ACRBP: variants seen among roughly 807,000 people sequenced by gnomAD.
ACRBP encodes the protein acrosin binding protein.
A neutral mutation model predicts 69.0 loss-of-function variants in ACRBP; 52 were observed. The ratio of observed to expected loss-of-function variants is 0.75; its 90% CI spans 0.60 to 0.95. The LOEUF is 0.95. Among genes scored for constraint, ACRBP ranks in the 40% least tolerant of loss-of-function variants. The pLI, the probability that ACRBP is intolerant of heterozygous loss-of-function variation, is 0.00. For synonymous variants in ACRBP, 267 were observed against 258.9 expected (o/e 1.03, Z -0.30); for missense variants, 604 against 673.0 (o/e 0.90, Z 1.13).
Position 6,646,960 on chromosome 12 carries a change from G to A in ACRBP, c.96C>T (p.Ser32=). Reference sequence around the variant, plus strand: ...TAGGAGAGAGAGGGCTGCCTGGAGTGGAGGCCTGAGTCGAATCCTGGGCTG... The same window carrying A: ...TAGGAGAGAGAGGGCTGCCTGGAGTAGAGGCCTGAGTCGAATCCTGGGCTG... ...PAAAQDSTQA[S]TPGSPLSPTE... is the part of the protein sequence containing the mutation. Residue 32 remains serine (S), a synonymous_variant, in exon 2 of 10, where the codon TCC becomes TCT. Transcript: ENST00000229243. 6.2e-7 allele frequency: 1 copy of A among 1,613,300 alleles called. No individual in the cohort carries two copies. Among genetic ancestry groups the A allele is most frequent in the Non-Finnish European group, 8.5e-7 (1 of 1,180,022 alleles).
rs1008402777 is a variant in ACRBP, at chr12:6,644,158, C to T, written c.923G>A (p.Trp308Ter). 2 of 1,595,712 alleles carry T rather than the reference C, an allele frequency of 1.3e-6. No homozygotes were observed. Among genetic ancestry groups the T allele is most frequent in the African/African-American group, 1.3e-5 (1 of 74,508 alleles). Residue 308 changes from tryptophan to a stop codon, truncating the protein, a stop_gained, in exon 5 of 10, where the codon TGG (tryptophan) becomes TAG (stop). Coordinates refer to ENST00000229243, the MANE Select transcript of ACRBP (RefSeq NM_032489.3). LOFTEE classifies it high-confidence loss of function. Reference sequence around the variant, plus strand: ...ATACCTGCCAGGGTTTTGGTTTCTCCAGTAGGAGTTCTCATCATATATTTC... The same window carrying T: ...ATACCTGCCAGGGTTTTGGTTTCTCTAGTAGGAGTTCTCATCATATATTTC... Reference protein sequence around the residue: ...MNEIYDENSYWRNQNPGSLLQ... With the variant: ...MNEIYDENSY
chr12:6,646,125 A>ATTTTTTTTTTTTTT (rs59626834), intron 3 of ACRBP, among the ~76,000 whole-genome samples: 1 of 121,434 alleles, frequency 8.2e-6, no homozygotes, highest in African/African-American at 3.1e-5. Context: ...AAGCCCGGCT[A>ATTTTTTTTTTTTTT]TTTTTTTTTT....
At chr12:6,639,167 G>GCGGC (rs948265940) in intron 8 of ACRBP, 130 bp from the exon 9 acceptor site, 1 of 777,578 alleles carries the variant, frequency 1.3e-6, no homozygotes, top group African/African-American at 1.7e-5. Context: ...CCACACACAG[G>GCGGC]CGGCCCCTCA....
In ACRBP at chr12:6,644,116, C is replaced by T. The variant is rs753147908; in HGVS notation, c.944+21G>A. The T allele has an allele frequency of 1.0e-5, 16 of 1,547,372 alleles. No homozygotes were observed. The Admixed American group carries it at 3.0e-4, about 29-fold the overall frequency. ...GCAGAAGGGAGGGCAGGGTGGATGA[C>T]AGAGTCAAAACTTCCTATACCTGCC... On this transcript the variant is annotated intron_variant, in intron 5 of 9. Coordinates refer to ENST00000229243, the MANE Select transcript of ACRBP (RefSeq NM_032489.3).
chr12:6,644,596 C>T lies in ACRBP; in HGVS notation c.485G>A (p.Arg162His), dbSNP rs760545577. 9.4e-5 allele frequency: 151 copies of T among 1,611,458 alleles called. No homozygotes were observed. Among genetic ancestry groups the T allele is most frequent in the Admixed American group, 1.5e-4 (9 of 59,576 alleles). The part of the protein sequence containing the change: ...PISPHFTVTE[R>H]QTFQPWPERL... Reference sequence around the variant, plus strand: ...CTCAGGCCAGGGCTGGAAGGTCTGGCGTTCTGTCACTACAGCAGGGTTTAG... The same window carrying T: ...CTCAGGCCAGGGCTGGAAGGTCTGGTGTTCTGTCACTACAGCAGGGTTTAG... The change falls in exon 5 of 10, where the codon CGC (arginine) becomes CAC (histidine). Residue 162 changes from arginine (R) to histidine (H), a missense_variant. By Grantham distance (29) the Arg-to-His change is conservative. This residue lies in a region of ACRBP where 532 missense variants were observed against 562.9 expected (regional missense o/e 0.95). Coordinates refer to ENST00000229243, the MANE Select transcript of ACRBP (RefSeq NM_032489.3).
In ACRBP at chr12:6,640,564, G is replaced by A. The variant is rs528671617; in HGVS notation, c.1078-42C>T. The A allele has an allele frequency of 4.3e-5, 68 of 1,590,558 alleles. No homozygotes were observed. Among genetic ancestry groups the A allele is most frequent in the South Asian group, 2.0e-4 (18 of 89,108 alleles). Reference sequence around the variant, plus strand: ...GGTGAGGCTGAAGCTGAGAGTCAGCGGCCTGCCTTCTCCCATGCCTCAGCC... The same window carrying A: ...GGTGAGGCTGAAGCTGAGAGTCAGCAGCCTGCCTTCTCCCATGCCTCAGCC... On this transcript the variant is annotated intron_variant, in intron 6 of 9. Coordinates refer to ENST00000229243, the MANE Select transcript of ACRBP (RefSeq NM_032489.3). The surrounding 1 kb of genome is among the most constrained non-coding windows in gnomAD (Gnocchi z 5.3).
At chr12:6,646,623 G>C in intron 2 of ACRBP, 46 bp from the exon 3 acceptor site, 1 of 1,584,470 alleles carries the variant, frequency 6.3e-7, no homozygotes, top group Non-Finnish European at 8.7e-7. Context: ...GGGGAGCTTG[G>C]GGTGGGGCTG....
chr12:6,643,925 G>A, intron 5 of ACRBP: 3 of 1,082,746 alleles, frequency 2.8e-6, no homozygotes, highest in Non-Finnish European at 3.8e-6. Flanking sequence ...AAGTCTGGTA[G>A]CTCCAGGTAC....
chr12:6,642,744 G>A (rs1271139569), intron 6 of ACRBP, among the ~76,000 whole-genome samples: 2 of 152,188 alleles, frequency 1.3e-5, no homozygotes, highest in Admixed American at 1.3e-4. Flanking sequence ...TGAATGGATG[G>A]TATCTGAGCT....
At chr12:6,643,490 A>G (rs1949067224) in intron 6 of ACRBP, 49 bp downstream of exon 6, 1 of 1,607,330 alleles carries the variant, frequency 6.2e-7, no homozygotes, top group Non-Finnish European at 8.5e-7. Context: ...GTGCCTGGCC[A>G]AGAGGATGCC....
intron 9 of ACRBP, chr12:6,638,629 A>C (rs2136248134): frequency 1.5e-6 from 2 of 1,292,998 alleles, no homozygotes; most frequent in East Asian, 5.1e-5. Context: ...CAGAGGGGGA[A>C]GTGCCTCATC....
At chr12:6,644,934 T>G (rs899626108) in intron 4 of ACRBP, among the ~76,000 whole-genome samples, 1 of 152,160 alleles carries the variant, frequency 6.6e-6, no homozygotes. Context: ...GTGAAGACAT[T>G]AGCTTATAAA....
At chr12:6,646,756 T>A in intron 2 of ACRBP, 38 bp downstream of exon 2, 1 of 1,610,566 alleles carries the variant, frequency 6.2e-7, no homozygotes, top group Non-Finnish European at 8.5e-7. Context: ...GGGTGAACAC[T>A]CTGGGTGCCT....
At chr12:6,638,562 C>G in intron 9 of ACRBP, 158 bp from the exon 10 acceptor site, 1 of 1,245,908 alleles carries the variant, frequency 8.0e-7, no homozygotes, top group Non-Finnish European at 1.1e-6. Context: ...GTTTTTAAAG[C>G]CAGAGGAGAC....
At chr12:6,646,720 G>A (rs1949092523) in intron 2 of ACRBP, 74 bp downstream of exon 2, 2 of 1,572,828 alleles carry the variant, frequency 1.3e-6, no homozygotes, top group Non-Finnish European at 1.7e-6. Context: ...CCTCACATGA[G>A]CACAGGGGTT....
At chr12:6,643,700 C>G (rs770069287) in intron 5 of ACRBP, 29 bp from the exon 6 acceptor site, 11 of 1,607,332 alleles carry the variant, frequency 6.8e-6, no homozygotes, top group Non-Finnish European at 9.4e-6. Context: ...GAGGGTGGGG[C>G]TGGGCCAGGT....
chr12:6,644,648 T>C, intron 4 of ACRBP, 43 bp from the exon 5 acceptor site: 1 of 1,556,932 alleles, frequency 6.4e-7, no homozygotes, highest in South Asian at 1.2e-5. Flanking sequence ...CAGTCAGGCT[T>C]CTAGCCCCTG....
At chr12:6,642,256 A>AT (rs941003858) in intron 6 of ACRBP, among the ~76,000 whole-genome samples, 3 of 151,878 alleles carry the variant, frequency 2.0e-5, no homozygotes, top group Non-Finnish European at 2.9e-5. Context: ...CCCAATCAGT[A>AT]TTTTTTTTCA....
chr12:6,638,539 A>G, intron 9 of ACRBP, 135 bp from the exon 10 acceptor site: 1 of 1,336,130 alleles, frequency 7.5e-7, no homozygotes, highest in South Asian at 1.3e-5. Flanking sequence ...GGAAGGAGGA[A>G]ACTCAAATGT....
Sources: gnomAD v4.1 joint callset for allele counts (sites outside exome capture counted in the v4.1 genomes callset) on GRCh38, gnomAD v4.1.1 for gene constraint, gnomAD v4.1.1 regional missense constraint, Gnocchi (gnomAD v3.1) non-coding constraint, MANE v1.5 for transcripts, NCBI Gene and HGNC (gene_info 2026-07-23, HGNC 2026-07-21) for gene names.